The following IPO5 variants were observed in gnomAD, a reference collection of about 807,000 sequenced individuals.
IPO5 encodes importin-5.
A neutral mutation model predicts 143.3 loss-of-function variants in IPO5; 18 were observed. The observed-to-expected ratio is 0.13, with a 90% confidence interval of 0.09 to 0.19. The LOEUF (loss-of-function observed/expected upper bound fraction) is 0.19. Among genes scored for constraint, IPO5 ranks in the 10% least tolerant of loss-of-function variants. The probability of loss-of-function intolerance (pLI) is 1.00; values close to 1 mark genes in which losing one functional copy is unlikely to be tolerated. For missense variants in IPO5, 1,013 were observed against 1,336.9 expected (o/e 0.76, Z 3.78); for synonymous variants, 477 against 465.7 (o/e 1.02, Z -0.31).
intron 2 of IPO5, among the ~76,000 whole-genome samples, chr13:97,961,876 C>T (rs1276362295): frequency 6.6e-6 from 1 of 152,112 alleles, no homozygotes; most frequent in Non-Finnish European, 1.5e-5. Context: ...CACCTGTAAT[C>T]CCAGCACTTT....
At chr13:97,962,200 C>T (rs954970768) in intron 2 of IPO5, among the ~76,000 whole-genome samples, 1 of 144,640 alleles carries the variant, frequency 6.9e-6, no homozygotes, top group Non-Finnish European at 1.6e-5. Flanking sequence ...TGATGGTGTC[C>T]TTAAAAGCAC....
At chr13:97,958,282 G>C (rs184070540) in intron 2 of IPO5, among the ~76,000 whole-genome samples, 8 of 151,886 alleles carry the variant, frequency 5.3e-5, no homozygotes, top group African/African-American at 1.9e-4. Flanking sequence ...CCTCAGCCAC[G>C]TGGCTGTTTC....
intron 6 of IPO5, chr13:97,987,275 G>A (rs972257853): frequency 1.3e-5 from 2 of 151,696 alleles, no homozygotes; most frequent in African/African-American, 4.9e-5. Flanking sequence ...TTTAGACAGG[G>A]ATTTATAAGT....
At chr13:97,969,171 A>ATTTTTTT (rs1566454683) in intron 2 of IPO5, among the ~76,000 whole-genome samples, 15 of 71,234 alleles carry the variant, frequency 2.1e-4, no homozygotes, top group African/African-American at 1.0e-3. Flanking sequence ...ATATATATAT[A>ATTTTTTT]TATATTTTTT....
At position 98,024,077 on chromosome 13, in the gene IPO5, ACGTTTT is replaced by A. The variant is rs1356209003; in HGVS notation, c.*2257_*2262del. ...GAGGGGAAAAATGTGTGTGGCTCTT[ACGTTTT>A]CTGGGAATTTTGTAACAAGTTACAC... On this transcript the variant is annotated 3_prime_UTR_variant, in exon 29 of 29. Transcript: ENST00000651721. 2 of 152,172 alleles carry A rather than the reference ACGTTTT, an allele frequency of 1.3e-5. No homozygotes were observed. Among genetic ancestry groups the A allele is most frequent in the Admixed American group, 1.3e-4 (2 of 15,278 alleles). The allele number at this position is 152,172 out of a possible 1,614,324, so 9.4% of individuals were successfully genotyped here. A position where few individuals can be genotyped will look rare whatever the true frequency, so the allele number is the denominator to read the frequency against.
chr13:97,973,223 T>A (rs1001425430), intron 3 of IPO5, among the ~76,000 whole-genome samples: 1 of 151,906 alleles, frequency 6.6e-6, no homozygotes, highest in Non-Finnish European at 1.5e-5. Context: ...TTTTTTTGTA[T>A]TTCTAGTAGA....
intron 12 of IPO5, among the ~76,000 whole-genome samples, chr13:97,998,472 TAA>T (rs1416858422): frequency 6.6e-6 from 1 of 152,204 alleles, no homozygotes; most frequent in African/African-American, 2.4e-5. Flanking sequence ...ATTTTCCTAG[TAA>T]AAAGCAGTTT....
intron 5 of IPO5, among the ~76,000 whole-genome samples, chr13:97,984,927 T>C (rs1594064613): frequency 1.3e-5 from 2 of 152,274 alleles, no homozygotes; most frequent in East Asian, 3.9e-4. Flanking sequence ...ATTAGCACTT[T>C]TTAGGTATCG....
At chr13:98,008,760 C>A (rs1009652829) in intron 18 of IPO5, among the ~76,000 whole-genome samples, 3 of 152,300 alleles carry the variant, frequency 2.0e-5, no homozygotes, top group African/African-American at 7.2e-5. Context: ...CAATGGTGGG[C>A]AGTTCCAACA....
chr13:98,002,437 T>G, intron 13 of IPO5, 30 bp from the exon 14 acceptor site: 1 of 1,609,274 alleles, frequency 6.2e-7, no homozygotes, highest in Middle Eastern at 1.7e-4. Context: ...AGTGTGTAAT[T>G]GCTATTCCAT....
intron 16 of IPO5, 82 bp from the exon 17 acceptor site, chr13:98,006,048 G>A (rs1162439886): frequency 5.5e-6 from 5 of 908,038 alleles, no homozygotes; most frequent in Non-Finnish European, 8.9e-6. Flanking sequence ...AAGCATTCAA[G>A]AACTTGAAGG....
chr13:97,999,262 C>T (rs1888557495), intron 12 of IPO5, among the ~76,000 whole-genome samples: 1 of 152,138 alleles, frequency 6.6e-6, no homozygotes, highest in Non-Finnish European at 1.5e-5. Context: ...ATTTTTGAGA[C>T]TTAATCCCAT....
At chr13:97,970,719 G>A (rs1885758671) in intron 3 of IPO5, among the ~76,000 whole-genome samples, 1 of 152,210 alleles carries the variant, frequency 6.6e-6, no homozygotes, top group Admixed American at 6.5e-5. Flanking sequence ...CATTGCAACT[G>A]TAGCATTGAA....
intron 2 of IPO5, among the ~76,000 whole-genome samples, chr13:97,969,441 C>T (rs1885644083): frequency 6.6e-6 from 1 of 152,028 alleles, no homozygotes. Flanking sequence ...CTTGGCCTCC[C>T]AAAGTGCTGG....
chr13:98,001,338 G>A (rs1888754822), intron 13 of IPO5, among the ~76,000 whole-genome samples: 1 of 152,148 alleles, frequency 6.6e-6, no homozygotes, highest in Non-Finnish European at 1.5e-5. Flanking sequence ...TATTAAGTTA[G>A]AAATTTGTTT....
At chr13:97,970,985 T>C (rs1594030844) in intron 3 of IPO5, among the ~76,000 whole-genome samples, 2 of 147,052 alleles carry the variant, frequency 1.4e-5, no homozygotes, top group Non-Finnish European at 2.9e-5. Context: ...TTTTAATCAG[T>C]AGTAAAAAAT....
intron 20 of IPO5, among the ~76,000 whole-genome samples, chr13:98,010,925 C>T (rs150261802): frequency 8.8e-4 from 133 of 150,566 alleles, no homozygotes; most frequent in African/African-American, 3.1e-3. Flanking sequence ...GGATTACAGG[C>T]GCCTGCCACC....
intron 13 of IPO5, among the ~76,000 whole-genome samples, chr13:98,001,258 T>C (rs1888747390): frequency 6.6e-6 from 1 of 152,238 alleles, no homozygotes; most frequent in Non-Finnish European, 1.5e-5. Flanking sequence ...TTGTTGTATG[T>C]GTTTTATTTT....
intron 2 of IPO5, among the ~76,000 whole-genome samples, chr13:97,956,414 T>C (rs949324084): frequency 2.6e-5 from 4 of 152,154 alleles, no homozygotes; most frequent in Non-Finnish European, 5.9e-5. Context: ...GAAAGTAGGT[T>C]GAGCATTTTT....
Sources: gnomAD v4.1 joint callset for allele counts (sites outside exome capture counted in the v4.1 genomes callset) on GRCh38, gnomAD v4.1.1 for gene constraint, MANE v1.5 for transcripts, NCBI Gene and HGNC (gene_info 2026-07-23, HGNC 2026-07-21) for gene names.